Variants in TRIM2 observed in about 807,000 individuals in gnomAD.
TRIM2 encodes tripartite motif containing 2.
In TRIM2, 20 loss-of-function variants were observed where a neutral mutation model predicts 75.2. The observed-to-expected ratio is 0.27, with a 90% CI of 0.19 to 0.39. TRIM2 has a LOEUF of 0.39. Among genes scored for constraint, TRIM2 ranks in the 10% least tolerant of loss-of-function variants. The probability of loss-of-function intolerance (pLI) is 1.00; values close to 1 mark genes in which losing one functional copy is unlikely to be tolerated. For synonymous variants in TRIM2, 373 were observed against 388.3 expected (o/e 0.96, Z 0.46); for missense variants, 660 against 990.8 (o/e 0.67, Z 4.48).
chr4:153,328,784 A>G, intron 11 of TRIM2, 114 bp downstream of exon 11: 4 of 1,173,616 alleles, frequency 3.4e-6, no homozygotes, highest in Non-Finnish European at 4.6e-6. Flanking sequence ...AGGACATAGA[A>G]CCATAGATAC....
intron 1 of TRIM2, among the ~76,000 whole-genome samples, chr4:153,172,320 TG>T (rs1212710724): frequency 3.9e-5 from 6 of 152,186 alleles, no homozygotes; most frequent in Admixed American, 6.5e-5. Flanking sequence ...CCCGAGTAGC[TG>T]GGACTACAGG....
At position 153,336,258 on chromosome 4, in the gene TRIM2, T is replaced by C. The variant is rs1367333939; in HGVS notation, c.*1292T>C. 1 of 985,028 alleles carries C rather than the reference T, an allele frequency of 1.0e-6. No individual in the cohort carries two copies. The highest frequency in any genetic ancestry group is 1.2e-6 in the Non-Finnish European group (1 of 829,832). The allele number at this position is 985,028 out of a possible 1,614,324, so 61.0% of individuals were successfully genotyped here. A position where few individuals can be genotyped will look rare whatever the true frequency, so the allele number is the denominator to read the frequency against. ...ACTAAGCAGTTTAAAGCCGTCCTAG[T>C]GGAGCAAGCCCTAAAGCAGATTTAA... On this transcript the variant is annotated 3_prime_UTR_variant, in exon 12 of 12. Transcript: ENST00000338700.
chr4:153,233,364 G>A (rs77950097), intron 1 of TRIM2, among the ~76,000 whole-genome samples: 5,277 of 152,154 alleles, frequency 0.035, 115 homozygotes, highest in Non-Finnish European at 0.047. Flanking sequence ...AAAATGGTGT[G>A]GGGGGTTTTT....
chr4:153,249,047 G>A (rs1420329747), intron 1 of TRIM2, among the ~76,000 whole-genome samples: 1 of 152,254 alleles, frequency 6.6e-6, no homozygotes, highest in African/African-American at 2.4e-5. Context: ...CCAGGCGGGG[G>A]CGATCCCCAG....
At chr4:153,284,306 T>C (rs1760103941) in intron 3 of TRIM2, among the ~76,000 whole-genome samples, 1 of 152,062 alleles carries the variant, frequency 6.6e-6, no homozygotes, top group African/African-American at 2.4e-5. Flanking sequence ...GTTCGAGTGA[T>C]TCTCCTGCCT....
At position 153,336,799 on chromosome 4, in the gene TRIM2, G is replaced by A. The variant is rs1772503740; in HGVS notation, c.*1833G>A. The stretch of plus-strand genomic sequence containing the variant: ...TGCCCAAATCAACCTCTGAAAAAAG[G>A]TTTTTCCAGGAAGATTTACATTTAG... On this transcript the variant is annotated 3_prime_UTR_variant, in exon 12 of 12. Coordinates refer to ENST00000338700, the MANE Select transcript of TRIM2 (RefSeq NM_015271.5). The A allele has an allele frequency of 1.0e-6, 1 of 985,404 alleles. No homozygotes were observed. The highest frequency in any genetic ancestry group is 1.7e-5 in the African/African-American group (1 of 57,214). 61.0% of individuals were successfully genotyped at this position (985,404 alleles called of 1,614,324 possible).
chr4:153,315,919 G>A lies in TRIM2; in HGVS notation c.1702G>A (p.Val568Ile). 1.9e-6 allele frequency: 3 copies of A among 1,613,592 alleles called. No individual in the cohort carries two copies. Among genetic ancestry groups the A allele is most frequent in the Non-Finnish European group, 2.5e-6 (3 of 1,179,898 alleles). The change falls in exon 8 of 12, where the codon GTA (valine) becomes ATA (isoleucine). Residue 568 changes from valine to isoleucine, a missense_variant. Transcript: ENST00000338700. ...GCTGCAGCGGCCCACAGGAGTGGCTGTACATCCCAGTGGGGACATAATCAT... is the reference window on the plus strand; with the variant it reads ...GCTGCAGCGGCCCACAGGAGTGGCTATACATCCCAGTGGGGACATAATCAT... Reference protein sequence around the residue: ...GQLQRPTGVAVHPSGDIIIAD... With the variant: ...GQLQRPTGVAIHPSGDIIIAD...
chr4:153,169,488 T>C (rs754762511), intron 1 of TRIM2, among the ~76,000 whole-genome samples: 1 of 152,246 alleles, frequency 6.6e-6, no homozygotes, highest in Non-Finnish European at 1.5e-5. Flanking sequence ...TCTACCTTGG[T>C]ATGTGACTTT....
chr4:153,257,788 T>C (rs529649208), intron 1 of TRIM2: 22 of 400,290 alleles, frequency 5.5e-5, no homozygotes, highest in South Asian at 3.3e-4. Flanking sequence ...ATGTTCAGAC[T>C]GCTTAGTATT....
At chr4:153,225,534 G>A (rs1304403668) in intron 1 of TRIM2, among the ~76,000 whole-genome samples, 2 of 152,214 alleles carry the variant, frequency 1.3e-5, no homozygotes, top group Non-Finnish European at 2.9e-5. Context: ...TGACCTGTTA[G>A]TTGGCATGTC....
At chr4:153,155,943 G>A (rs1434911416) in intron 1 of TRIM2, among the ~76,000 whole-genome samples, 1 of 152,250 alleles carries the variant, frequency 6.6e-6, no homozygotes, top group African/African-American at 2.4e-5. Flanking sequence ...GGGTTCACTT[G>A]CTGAGGAGGC....
Position 153,322,612 on chromosome 4 carries a change from A to G in TRIM2, c.1783-36A>G, listed in dbSNP as rs367806786. ...CTGTAGTGGTTTAAACTTTGACTCT[A>G]TACTGTACTTCTATTTCTGTACTTG... On this transcript the variant is annotated intron_variant, in intron 8 of 11. Coordinates refer to ENST00000338700, the MANE Select transcript of TRIM2 (RefSeq NM_015271.5). The G allele has an allele frequency of 1.2e-5, 19 of 1,606,840 alleles. No individual in the cohort carries two copies. In the African/African-American group the frequency reaches 2.5e-4, roughly 21 times the overall value.
Position 153,337,973 on chromosome 4 carries a change from C to A in TRIM2, c.*3007C>A. 1.0e-6 allele frequency: 1 copy of A among 985,770 alleles called. No homozygotes were observed. 61.1% of individuals were successfully genotyped at this position (985,770 alleles called of 1,614,324 possible). On this transcript the variant is annotated 3_prime_UTR_variant, in exon 12 of 12. Coordinates refer to ENST00000338700, the MANE Select transcript of TRIM2 (RefSeq NM_015271.5). ...ATCCAGAAATACATGACTACAAGTC[C>A]TTTATGACTGTTTGCCATTTTTTTT...
rs1579863905 is a variant in TRIM2, at chr4:153,337,468, G to A, written c.*2502G>A. 2.0e-6 allele frequency: 2 copies of A among 985,624 alleles called. No individual in the cohort carries two copies. The highest frequency in any genetic ancestry group is 3.5e-5 in the African/African-American group (2 of 57,198). 61.1% of individuals were successfully genotyped at this position (985,624 alleles called of 1,614,324 possible). The stretch of plus-strand genomic sequence containing the variant: ...ATTCAGACCTGCTCCACTATGTGTT[G>A]CTAAAACACATGCTATGAGCACTCC... On this transcript the variant is annotated 3_prime_UTR_variant, in exon 12 of 12. Transcript: ENST00000338700.
intron 1 of TRIM2, among the ~76,000 whole-genome samples, chr4:153,240,967 C>T (rs1746401575): frequency 6.6e-6 from 1 of 152,206 alleles, no homozygotes; most frequent in South Asian, 2.1e-4. Context: ...ATCCCAGCTA[C>T]TCCGGAGGCT....
intron 1 of TRIM2, among the ~76,000 whole-genome samples, chr4:153,181,554 T>C (rs1413186735): frequency 6.6e-6 from 1 of 152,152 alleles, no homozygotes; most frequent in Non-Finnish European, 1.5e-5. Context: ...CCACACATGC[T>C]GCCACCTCCC....
At chr4:153,242,358 T>A (rs1279316831) in intron 1 of TRIM2, among the ~76,000 whole-genome samples, 1 of 152,028 alleles carries the variant, frequency 6.6e-6, no homozygotes, top group Non-Finnish European at 1.5e-5. Flanking sequence ...GTCTGCCTTC[T>A]CTGTGAATCC....
rs561903046 is a variant in TRIM2 at position 153,181,841 on chromosome 4, C to T, written c.-49+28571C>T. Among the ~76,000 whole-genome samples, 80 of 152,248 alleles carry T rather than the reference C, an allele frequency of 5.3e-4. 1 individual carries two copies. Among genetic ancestry groups the T allele is most frequent in the Admixed American group, 8.5e-4 (13 of 15,296 alleles). ...GCCCAGCTCATGTCTCCCCAGATGA[C>T]TCAGGAGGGGGCTGTGTGCCAGGGC... is the stretch of plus-strand genomic sequence containing the variant. On this transcript the variant is annotated intron_variant, in intron 1 of 11. Coordinates refer to the TRIM2 transcript ENST00000437508.
chr4:153,221,518 C>T (rs1235289426), intron 1 of TRIM2, among the ~76,000 whole-genome samples: 2 of 152,206 alleles, frequency 1.3e-5, no homozygotes, highest in East Asian at 1.9e-4. Context: ...AACCCTCTGT[C>T]CATACACTTC....
Sources: allele counts gnomAD v4.1 joint callset (sites outside exome capture counted in the v4.1 genomes callset), GRCh38; gene constraint gnomAD v4.1.1; transcripts MANE v1.5; gene names NCBI Gene and HGNC (gene_info 2026-07-23, HGNC 2026-07-21).